Variants in GALNTL6 observed in about 807,000 individuals in gnomAD.
GALNTL6 encodes the protein polypeptide N-acetylgalactosaminyltransferase-like 6.
Under a neutral mutation model 73.7 loss-of-function variants are expected in GALNTL6, and 46 were observed. That is an observed-to-expected ratio of 0.62 (90% CI 0.49 to 0.80). The LOEUF is 0.80. Among genes scored for constraint, GALNTL6 ranks in the 30% least tolerant of loss-of-function variants. GALNTL6 has a pLI of 0.00. For synonymous variants in GALNTL6, 259 were observed against 263.7 expected (o/e 0.98, Z 0.17); for missense variants, 604 against 755.0 (o/e 0.80, Z 2.34).
chr4:172,872,950 C>T (rs1424123381), intron 7 of GALNTL6, among the ~76,000 whole-genome samples: 6 of 152,226 alleles, frequency 3.9e-5, no homozygotes, highest in African/African-American at 1.2e-4. Flanking sequence ...TACCTCCTAA[C>T]GGGGCTCTGT....
chr4:172,262,588 A>G (rs1040638171), intron 3 of GALNTL6, among the ~76,000 whole-genome samples: 3 of 151,584 alleles, frequency 2.0e-5, no homozygotes, highest in Non-Finnish European at 3.0e-5. Flanking sequence ...GCCATTCTGT[A>G]TCTTTTAAAT....
intron 2 of GALNTL6, among the ~76,000 whole-genome samples, chr4:172,150,707 T>C (rs2110760240): frequency 6.6e-6 from 1 of 152,250 alleles, no homozygotes; most frequent in South Asian, 2.1e-4. Context: ...AGTTGGTCCC[T>C]GGGCAGTAGG....
chr4:172,156,384 ACTAT>A (rs1311938535), intron 2 of GALNTL6, among the ~76,000 whole-genome samples: 1 of 151,428 alleles, frequency 6.6e-6, no homozygotes, highest in African/African-American at 2.4e-5. Flanking sequence ...TGAGGAAAAA[ACTAT>A]CTTTTTAAAA....
intron 2 of GALNTL6, among the ~76,000 whole-genome samples, chr4:172,181,858 G>A (rs1327044112): frequency 6.6e-6 from 1 of 151,704 alleles, no homozygotes; most frequent in African/African-American, 2.4e-5. Flanking sequence ...TGGGACTACA[G>A]GCACCCACCA....
intron 5 of GALNTL6, among the ~76,000 whole-genome samples, chr4:172,487,291 T>TTTCCTTCTTTCCTTCC (rs879430886): frequency 3.8e-5 from 3 of 78,180 alleles, no homozygotes; most frequent in Middle Eastern, 5.8e-3. Context: ...TCTTTCCTTC[T>TTTCCTTCTTTCCTTCC]TTCCTTCTGT....
intron 5 of GALNTL6, among the ~76,000 whole-genome samples, chr4:172,615,685 G>A (rs1738699314): frequency 6.6e-6 from 1 of 152,122 alleles, no homozygotes; most frequent in South Asian, 2.1e-4. Context: ...CATATCTAGT[G>A]ATAGTTATGA....
chr4:172,791,892 G>T (rs1176591458), intron 5 of GALNTL6, among the ~76,000 whole-genome samples: 1 of 152,180 alleles, frequency 6.6e-6, no homozygotes, highest in Non-Finnish European at 1.5e-5. Flanking sequence ...AGTCATGTTG[G>T]ATTCTGCTCT....
chr4:172,844,426 G>C (rs1184384267), intron 7 of GALNTL6, among the ~76,000 whole-genome samples: 1 of 152,234 alleles, frequency 6.6e-6, no homozygotes, highest in Non-Finnish European at 1.5e-5. Context: ...GGCATCGACA[G>C]CTAGAGAGTG....
At chr4:172,082,303 A>C (rs1731902949) in intron 2 of GALNTL6, among the ~76,000 whole-genome samples, 1 of 152,248 alleles carries the variant, frequency 6.6e-6, no homozygotes, top group Non-Finnish European at 1.5e-5. Flanking sequence ...TGAATAACAG[A>C]AGCCTAGGTT....
intron 2 of GALNTL6, among the ~76,000 whole-genome samples, chr4:171,978,177 C>T (rs1739778118): frequency 6.6e-6 from 1 of 151,860 alleles, no homozygotes; most frequent in South Asian, 2.1e-4. Flanking sequence ...AAATGAAAAT[C>T]TTAGATAAAA....
intron 5 of GALNTL6, among the ~76,000 whole-genome samples, chr4:172,735,950 G>A (rs899564044): frequency 1.3e-5 from 2 of 152,138 alleles, no homozygotes; most frequent in South Asian, 4.2e-4. Flanking sequence ...TTTTTATTAG[G>A]GTTTTCAAAA....
chr4:172,090,649 G>C (rs1232090312), intron 2 of GALNTL6, among the ~76,000 whole-genome samples: 1 of 152,072 alleles, frequency 6.6e-6, no homozygotes, highest in Non-Finnish European at 1.5e-5. Context: ...TAGGTTGCCT[G>C]TTCAATCTGA....
chr4:172,047,184 C>T (rs1363093338), intron 2 of GALNTL6, among the ~76,000 whole-genome samples: 1 of 152,148 alleles, frequency 6.6e-6, no homozygotes, highest in African/African-American at 2.4e-5. Context: ...TCCGGACGCT[C>T]CCCGCAGCTC....
chr4:172,968,114 G>A (rs1750414963), intron 10 of GALNTL6, among the ~76,000 whole-genome samples: 1 of 152,100 alleles, frequency 6.6e-6, no homozygotes, highest in African/African-American at 2.4e-5. Flanking sequence ...TAAAACTGAT[G>A]ACAAGAAATC....
In GALNTL6 at chr4:173,041,545, A is replaced by G. The variant is rs1579816603; in HGVS notation, c.*1445A>G. 6.6e-6 allele frequency: 1 copy of G among 152,260 alleles called. No individual in the cohort carries two copies. Among genetic ancestry groups the G allele is most frequent in the South Asian group, 2.1e-4 (1 of 4,830 alleles). The allele number at this position is 152,260 out of a possible 1,614,324, so 9.4% of individuals were successfully genotyped here. Reference sequence around the variant, plus strand: ...TTTGAAGTTGGTTTTCCTGTTAATAAAAATTTATATAACATCTTGGATCTA... The same window carrying G: ...TTTGAAGTTGGTTTTCCTGTTAATAGAAATTTATATAACATCTTGGATCTA... On this transcript the variant is annotated 3_prime_UTR_variant, in exon 13 of 13. Transcript: ENST00000506823.
chr4:172,231,543 A>C (rs836324), intron 3 of GALNTL6, among the ~76,000 whole-genome samples: 148,720 of 152,198 alleles, frequency 0.98, 72,753 homozygotes, highest in East Asian at 1. Context: ...AATAATTGGA[A>C]AATATGGAGT....
intron 7 of GALNTL6, among the ~76,000 whole-genome samples, chr4:172,831,187 A>AAAAAAAAAAAAC (rs1742617069): frequency 7.4e-6 from 1 of 135,912 alleles, no homozygotes; most frequent in African/African-American, 2.8e-5. Context: ...AAAAAAAAAA[A>AAAAAAAAAAAAC]AAAGATTCAG....
At chr4:172,555,949 C>A (rs568451106) in intron 5 of GALNTL6, among the ~76,000 whole-genome samples, 2 of 152,104 alleles carry the variant, frequency 1.3e-5, no homozygotes, top group East Asian at 3.9e-4. Flanking sequence ...CAGTGTACGA[C>A]GTGGGTGAGT....
intron 10 of GALNTL6, among the ~76,000 whole-genome samples, chr4:172,962,647 A>G (rs1334679981): frequency 6.6e-6 from 1 of 152,180 alleles, no homozygotes. Flanking sequence ...AGATTCCTTT[A>G]TGGGAGATCT....
Sources: allele counts gnomAD v4.1 joint callset (sites outside exome capture counted in the v4.1 genomes callset), GRCh38; gene constraint gnomAD v4.1.1; transcripts MANE v1.5; gene names NCBI Gene and HGNC (gene_info 2026-07-23, HGNC 2026-07-21).